NRG3: variants seen among roughly 807,000 people sequenced by gnomAD.
NRG3 encodes the protein neuregulin 3, also known as pro-neuregulin-3, membrane-bound isoform.
Under a neutral mutation model 66.9 loss-of-function variants are expected in NRG3, and 31 were observed. That is an observed-to-expected ratio of 0.46 (90% CI 0.35 to 0.63). NRG3 has a LOEUF of 0.63. Among genes scored for constraint, NRG3 ranks in the 20% least tolerant of loss-of-function variants. The pLI is 0.00. For missense variants in NRG3, 910 were observed against 878.9 expected, an observed-to-expected ratio of 1.04 and a Z score of -0.45; for synonymous variants, 393 against 359.4, an observed-to-expected ratio of 1.09 and a Z score of -1.06.
intron 3 of NRG3, among the ~76,000 whole-genome samples, chr10:82,829,517 C>G (rs530082997): frequency 1.2e-4 from 18 of 152,252 alleles, no homozygotes; most frequent in African/African-American, 4.3e-4. Context: ...AACTATGACA[C>G]TGATCAGATA....
chr10:82,862,294 A>G (rs978754579), intron 3 of NRG3, among the ~76,000 whole-genome samples: 1 of 152,206 alleles, frequency 6.6e-6, no homozygotes, highest in African/African-American at 2.4e-5. Context: ...AAAGCACAAG[A>G]AACTATTAGC....
intron 2 of NRG3, among the ~76,000 whole-genome samples, chr10:82,694,797 T>A (rs1164626280): frequency 6.6e-6 from 1 of 152,126 alleles, no homozygotes; most frequent in African/African-American, 2.4e-5. Context: ...TGGAATAAAT[T>A]CATTTTTATA....
intron 1 of NRG3, among the ~76,000 whole-genome samples, chr10:81,913,108 A>G (rs1845330686): frequency 6.6e-6 from 1 of 152,218 alleles, no homozygotes. Context: ...TTATACGTAT[A>G]AAACAATGAA....
rs1370882191 is a variant in NRG3, at chr10:82,664,132, G to A, written c.954-74445G>A. ...ACCTTTACCCCCATGCTTCTAAAAG[G>A]AATTTGTATGTCCATAATATATATC... is the stretch of plus-strand genomic sequence containing the variant. On this transcript the variant is annotated intron_variant, in intron 2 of 8. Coordinates refer to ENST00000372141, the MANE Select transcript of NRG3 (RefSeq NM_001010848.4). Among the ~76,000 whole-genome samples the A allele has an allele frequency of 2.0e-5, 3 of 152,230 alleles. No individual in the cohort carries two copies. The East Asian group carries it at 5.8e-4, about 29-fold the overall frequency.
intron 1 of NRG3, among the ~76,000 whole-genome samples, chr10:82,004,672 A>G (rs946440110): frequency 1.3e-5 from 2 of 152,166 alleles, no homozygotes; most frequent in Admixed American, 1.3e-4. Context: ...AAGTATGACT[A>G]TATTTGGAGA....
chr10:82,446,416 A>C (rs555215180), intron 2 of NRG3, among the ~76,000 whole-genome samples: 1 of 152,368 alleles, frequency 6.6e-6, no homozygotes, highest in East Asian at 1.9e-4. Flanking sequence ...CTGGATAAAG[A>C]AAATGTGGTA....
intron 4 of NRG3, among the ~76,000 whole-genome samples, chr10:82,909,914 G>A (rs577104085): frequency 6.6e-6 from 1 of 152,308 alleles, no homozygotes; most frequent in South Asian, 2.1e-4. Flanking sequence ...TACCATATAT[G>A]ACTTGAAGAA....
chr10:82,604,665 C>T (rs2047850163), intron 2 of NRG3, among the ~76,000 whole-genome samples: 1 of 151,986 alleles, frequency 6.6e-6, no homozygotes, highest in Non-Finnish European at 1.5e-5. Flanking sequence ...ATCAATAAAA[C>T]AAAATAGAGA....
chr10:82,711,718 G>C (rs1410400442), intron 2 of NRG3, among the ~76,000 whole-genome samples: 1 of 151,942 alleles, frequency 6.6e-6, no homozygotes, highest in Non-Finnish European at 1.5e-5. Flanking sequence ...GATTTCCTCT[G>C]TTCTCTACTA....
At chr10:82,659,960 T>C (rs932322673) in intron 2 of NRG3, among the ~76,000 whole-genome samples, 5 of 150,936 alleles carry the variant, frequency 3.3e-5, no homozygotes, top group Non-Finnish European at 7.4e-5. Context: ...CTTTGGGAGG[T>C]TGAGGCGGGC....
At chr10:82,520,272 A>T (rs545774672) in intron 2 of NRG3, among the ~76,000 whole-genome samples, 1 of 151,498 alleles carries the variant, frequency 6.6e-6, no homozygotes, top group African/African-American at 2.4e-5. Context: ...AAATTAATAC[A>T]TGGATATGGT....
intron 2 of NRG3, among the ~76,000 whole-genome samples, chr10:82,613,614 A>G (rs2048447269): frequency 6.6e-6 from 1 of 151,798 alleles, no homozygotes; most frequent in Admixed American, 6.6e-5. Flanking sequence ...ATTATCCCAA[A>G]TAGATACAGT....
intron 2 of NRG3, among the ~76,000 whole-genome samples, chr10:82,667,645 G>A (rs556271750): frequency 2.2e-4 from 34 of 152,088 alleles, no homozygotes; most frequent in Non-Finnish European, 4.4e-4. Flanking sequence ...CATCTACCCT[G>A]GGGCACCCCC....
chr10:82,321,560 A>G (rs1422298711), intron 1 of NRG3, among the ~76,000 whole-genome samples: 1 of 152,166 alleles, frequency 6.6e-6, no homozygotes, highest in Non-Finnish European at 1.5e-5. Context: ...TTCTACCTCT[A>G]TAAATGTCTA....
chr10:82,424,890 A>C (rs2089321549), intron 2 of NRG3, among the ~76,000 whole-genome samples: 1 of 152,024 alleles, frequency 6.6e-6, no homozygotes, highest in Admixed American at 6.6e-5. Context: ...TATTTAAAAA[A>C]AAATTCTTTC....
intron 3 of NRG3, among the ~76,000 whole-genome samples, chr10:82,740,748 C>A (rs1459407995): frequency 1.3e-5 from 2 of 149,192 alleles, no homozygotes; most frequent in African/African-American, 5.0e-5. Context: ...TCACTTGAAT[C>A]CAGGAGGCAA....
intron 2 of NRG3, among the ~76,000 whole-genome samples, chr10:82,463,873 G>A (rs1303102418): frequency 6.6e-6 from 1 of 152,224 alleles, no homozygotes; most frequent in African/African-American, 2.4e-5. Flanking sequence ...TGAAAAGCAT[G>A]GCTCTGAGAG....
intron 2 of NRG3, among the ~76,000 whole-genome samples, chr10:82,582,599 A>G (rs1201650392): frequency 6.6e-6 from 1 of 152,082 alleles, no homozygotes; most frequent in Non-Finnish European, 1.5e-5. Context: ...TAATTACAAC[A>G]TATATCTGCA....
At chr10:82,699,454 C>A (rs1201238953) in intron 2 of NRG3, among the ~76,000 whole-genome samples, 2 of 152,112 alleles carry the variant, frequency 1.3e-5, no homozygotes, top group African/African-American at 4.8e-5. Flanking sequence ...AGATCATCCT[C>A]ATCCCACCAC....
Sources: gnomAD v4.1 joint callset for allele counts (sites outside exome capture counted in the v4.1 genomes callset) on GRCh38, gnomAD v4.1.1 for gene constraint, MANE v1.5 for transcripts, NCBI Gene and HGNC (gene_info 2026-07-23, HGNC 2026-07-21) for gene names.